MBNL1: variants seen among roughly 807,000 people sequenced by gnomAD.
The protein encoded by MBNL1 is muscleblind like splicing regulator 1.
Under a neutral mutation model 42.2 loss-of-function variants are expected in MBNL1, and 8 were observed. The observed-to-expected ratio is 0.19, with a 90% CI of 0.11 to 0.34. The LOEUF is 0.34. MBNL1 is among the 10% of genes least tolerant of loss of function. The pLI, the probability that MBNL1 is intolerant of heterozygous loss-of-function variation, is 1.00. For synonymous variants in MBNL1, 169 were observed against 173.9 expected (o/e 0.97, Z 0.22); for missense variants, 309 against 495.3 (o/e 0.62, Z 3.57).
At chr3:152,318,985 C>G (rs955994120) in intron 2 of MBNL1, among the ~76,000 whole-genome samples, 2 of 152,054 alleles carry the variant, frequency 1.3e-5, no homozygotes, top group African/African-American at 4.8e-5. Flanking sequence ...CTGGAAGTTC[C>G]TCTAGCATTT....
chr3:152,426,092 A>G (rs1235975968), intron 3 of MBNL1, among the ~76,000 whole-genome samples: 2 of 151,826 alleles, frequency 1.3e-5, no homozygotes, highest in Non-Finnish European at 1.5e-5. Flanking sequence ...CAAACTAACA[A>G]CAGGAACAGA....
chr3:152,383,136 T>C (rs1446829913), intron 2 of MBNL1, among the ~76,000 whole-genome samples: 1 of 152,134 alleles, frequency 6.6e-6, no homozygotes, highest in Non-Finnish European at 1.5e-5. Flanking sequence ...CTTATCCGAA[T>C]ACTTACAGAG....
intron 1 of MBNL1, among the ~76,000 whole-genome samples, chr3:152,294,770 T>G (rs945307489): frequency 6.6e-6 from 1 of 152,212 alleles, no homozygotes; most frequent in African/African-American, 2.4e-5. Context: ...ATCTGGACAT[T>G]ACCCACATAT....
chr3:152,309,588 A>C (rs1309391693), intron 2 of MBNL1, among the ~76,000 whole-genome samples: 1 of 152,226 alleles, frequency 6.6e-6, no homozygotes, highest in Non-Finnish European at 1.5e-5. Context: ...AGTAAATTAC[A>C]CAAAGTAAAA....
At chr3:152,266,193 C>G (rs978048047), upstream of MBNL1, 2 of 152,246 alleles carry the variant, frequency 1.3e-5, no homozygotes, top group South Asian at 4.1e-4. Context: ...TGTGAGTTTT[C>G]TTAGCCATTC....
chr3:152,390,568 CATTT>C (rs1459778060), intron 2 of MBNL1, among the ~76,000 whole-genome samples: 1 of 149,076 alleles, frequency 6.7e-6, no homozygotes, highest in Non-Finnish European at 1.5e-5. Context: ...GTAGCACAAT[CATTT>C]ATTATCATGT....
At chr3:152,325,998 CT>C (rs761020664) in intron 2 of MBNL1, among the ~76,000 whole-genome samples, 20 of 152,128 alleles carry the variant, frequency 1.3e-4, no homozygotes, top group Non-Finnish European at 2.8e-4. Flanking sequence ...CCTTTTACCC[CT>C]GTAGCATGTT....
intron 3 of MBNL1, among the ~76,000 whole-genome samples, chr3:152,415,838 G>A (rs1303022508): frequency 6.6e-6 from 1 of 152,158 alleles, no homozygotes. Flanking sequence ...GAGTATGTGT[G>A]TAATAAATGA....
At chr3:152,459,115 G>A in intron 8 of MBNL1, 156 bp from the exon 9 acceptor site, 2 of 434,500 alleles carry the variant, frequency 4.6e-6, no homozygotes, top group South Asian at 7.3e-5. Flanking sequence ...TGGCATTTAA[G>A]TTTACATTAA....
intron 2 of MBNL1, among the ~76,000 whole-genome samples, chr3:152,348,878 C>G (rs2094593683): frequency 6.6e-6 from 1 of 152,022 alleles, no homozygotes; most frequent in Non-Finnish European, 1.5e-5. Flanking sequence ...GAAAAAGGCA[C>G]TGGACTTGAT....
intron 1 of MBNL1, among the ~76,000 whole-genome samples, chr3:152,285,035 T>C (rs1172697808): frequency 6.6e-6 from 1 of 152,190 alleles, no homozygotes; most frequent in African/African-American, 2.4e-5. Context: ...TATTAATGTT[T>C]AGTGTCTACC....
At chr3:152,393,629 T>G (rs527682298) in intron 2 of MBNL1, among the ~76,000 whole-genome samples, 2 of 152,334 alleles carry the variant, frequency 1.3e-5, no homozygotes, top group Admixed American at 1.3e-4. Context: ...TACCTTCCAT[T>G]AATGTCTTCT....
Position 152,459,245 on chromosome 3 carries a change from T to C in MBNL1, c.1093-26T>C, listed in dbSNP as rs1210774911. ...TTGTTGGCTTGCTTGCATGGATCATTCATTAAATAATTTTTTATTTGCTAG... is the reference window on the plus strand; with the variant it reads ...TTGTTGGCTTGCTTGCATGGATCATCCATTAAATAATTTTTTATTTGCTAG... On this transcript the variant is annotated intron_variant, in intron 8 of 9. Coordinates refer to ENST00000324210, the MANE Select transcript of MBNL1 (RefSeq NM_021038.5). 2.2e-6 allele frequency: 3 copies of C among 1,366,020 alleles called. No homozygotes were observed. The South Asian group carries it at 3.9e-5, about 18-fold the overall frequency. The allele number at this position is 1,366,020 out of a possible 1,614,324, so 84.6% of individuals were successfully genotyped here.
chr3:152,455,806 A>T (rs1168422655), intron 7 of MBNL1, among the ~76,000 whole-genome samples: 1 of 152,212 alleles, frequency 6.6e-6, no homozygotes, highest in African/African-American at 2.4e-5. Flanking sequence ...TGATTGGACT[A>T]TGAGTTCTGG....
chr3:152,379,463 A>G (rs1463582067), intron 2 of MBNL1, among the ~76,000 whole-genome samples: 2 of 152,164 alleles, frequency 1.3e-5, no homozygotes, highest in African/African-American at 4.8e-5. Flanking sequence ...TTTTGGAAAA[A>G]TATATTTTCC....
In MBNL1 at chr3:152,407,773, C is replaced by T. The variant is rs1294971124; in HGVS notation, c.175-7168C>T. On this transcript the variant is annotated intron_variant, in intron 2 of 9. Transcript: ENST00000324210. ...GACTGGATAGAGAAAATGTGATATC[C>T]CTACACCATGGAATACTATGCAGCC... 2.6e-5 allele frequency among the ~76,000 whole-genome samples: 4 copies of T among 152,044 alleles called. No individual in the cohort carries two copies. In the East Asian group the frequency reaches 5.8e-4, roughly 22 times the overall value.
chr3:152,266,969 G>A (rs943402270), upstream of MBNL1: 1 of 152,030 alleles, frequency 6.6e-6, no homozygotes, highest in African/African-American at 2.4e-5. Context: ...GTTGAGACTC[G>A]TTAGATCAAC....
chr3:152,376,301 T>G (rs2096897092), intron 2 of MBNL1, among the ~76,000 whole-genome samples: 1 of 152,226 alleles, frequency 6.6e-6, no homozygotes. Flanking sequence ...TATACAAGTA[T>G]TTGACTCAGA....
intron 2 of MBNL1, among the ~76,000 whole-genome samples, chr3:152,348,093 A>G (rs2094505202): frequency 6.6e-6 from 1 of 152,142 alleles, no homozygotes; most frequent in African/African-American, 2.4e-5. Flanking sequence ...CATTTAGTCT[A>G]CAGTTTTGAG....
Sources: allele counts gnomAD v4.1 joint callset (sites outside exome capture counted in the v4.1 genomes callset), GRCh38; gene constraint gnomAD v4.1.1; transcripts MANE v1.5; gene names NCBI Gene and HGNC (gene_info 2026-07-23, HGNC 2026-07-21).